PALLD: variants seen among roughly 807,000 people sequenced by gnomAD.
PALLD encodes the protein palladin, cytoskeletal associated protein, also known as palladin.
In PALLD, 61 loss-of-function variants were observed where a neutral mutation model predicts 123.5. That is an observed-to-expected ratio of 0.49 (90% CI 0.40 to 0.61). The LOEUF is 0.61. PALLD is among the 20% of genes least tolerant of loss of function. The pLI is 0.00. For missense variants in PALLD, 1,273 were observed against 1,377.0 expected (o/e 0.92, Z 1.20); for synonymous variants, 465 against 496.4 (o/e 0.94, Z 0.84).
At chr4:168,640,700 A>C (rs945765747) in intron 2 of PALLD, among the ~76,000 whole-genome samples, 6 of 152,236 alleles carry the variant, frequency 3.9e-5, no homozygotes, top group African/African-American at 1.4e-4. Context: ...TAAATCACTT[A>C]TCTCCATTAG....
At chr4:168,596,361 C>G (rs556539906) in intron 2 of PALLD, among the ~76,000 whole-genome samples, 14 of 152,192 alleles carry the variant, frequency 9.2e-5, no homozygotes, top group African/African-American at 3.1e-4. Flanking sequence ...CTTAATGAAG[C>G]AGCATTTAAA....
chr4:168,910,758 C>A (rs186567070), intron 15 of PALLD, among the ~76,000 whole-genome samples: 1 of 152,126 alleles, frequency 6.6e-6, no homozygotes, highest in Non-Finnish European at 1.5e-5. Flanking sequence ...GACAGCAGAA[C>A]TGGTTTACAA....
intron 15 of PALLD, among the ~76,000 whole-genome samples, chr4:168,910,986 A>T (rs1214255577): frequency 1.3e-5 from 2 of 152,206 alleles, no homozygotes; most frequent in Non-Finnish European, 1.5e-5. Flanking sequence ...ATGCATGTCC[A>T]TGCATAATGT....
rs992477185 is a variant in PALLD, at chr4:168,808,280, A to G, written c.1965-82642A>G. Among the ~76,000 whole-genome samples, 15 of 151,816 alleles carry G rather than the reference A, an allele frequency of 9.9e-5. No individual in the cohort carries two copies. In the East Asian group the frequency reaches 2.9e-3, roughly 30 times the overall value. On this transcript the variant is annotated intron_variant, in intron 10 of 21. Coordinates refer to ENST00000505667, the MANE Select transcript of PALLD (RefSeq NM_001166108.2). ...CGGATCACAAGGTCAGGAGATCGAG[A>G]CCATCCTGGCTAACATGGTGAAACC...
chr4:168,816,638 G>A (rs1050648527), intron 10 of PALLD, among the ~76,000 whole-genome samples: 4 of 152,014 alleles, frequency 2.6e-5, no homozygotes, highest in African/African-American at 9.7e-5. Flanking sequence ...GCAATTGTGT[G>A]AAATACATGC....
chr4:168,634,110 C>A (rs1776104673), intron 2 of PALLD, among the ~76,000 whole-genome samples: 1 of 152,186 alleles, frequency 6.6e-6, no homozygotes, highest in Non-Finnish European at 1.5e-5. Context: ...ATTGATTTCT[C>A]ACACCTTGGG....
chr4:168,511,410 T>C lies in PALLD; in HGVS notation c.-82-13T>C, dbSNP rs1280877380. ...AATCATTGCTACTAATGACATTCTA[T>C]GCTGTCTTTCAGAACACAGTTTCAG... On this transcript the variant is annotated splice_polypyrimidine_tract_variant and intron_variant, in intron 1 of 21. Transcript: ENST00000505667. 2 of 903,834 alleles carry C rather than the reference T, an allele frequency of 2.2e-6. No individual in the cohort carries two copies. Among genetic ancestry groups the C allele is most frequent in the Non-Finnish European group, 1.8e-6 (1 of 549,096 alleles). 56.0% of individuals were successfully genotyped at this position (903,834 alleles called of 1,614,324 possible).
chr4:168,603,550 A>G (rs1428784353), intron 2 of PALLD, among the ~76,000 whole-genome samples: 1 of 152,192 alleles, frequency 6.6e-6, no homozygotes, highest in Non-Finnish European at 1.5e-5. Context: ...AGCTTGTTCT[A>G]TGTTAGGCAC....
intron 2 of PALLD, among the ~76,000 whole-genome samples, chr4:168,658,811 A>G (rs144320362): frequency 9.8e-5 from 15 of 152,316 alleles, no homozygotes; most frequent in Non-Finnish European, 1.8e-4. Flanking sequence ...TTTTGGTTCA[A>G]ATTCTATTTT....
At chr4:168,580,321 A>G (rs1201103571) in intron 2 of PALLD, among the ~76,000 whole-genome samples, 2 of 151,974 alleles carry the variant, frequency 1.3e-5, no homozygotes, top group Non-Finnish European at 2.9e-5. Flanking sequence ...AAGGACATGA[A>G]CAGACAACTT....
chr4:168,814,595 G>C (rs1164071670), intron 10 of PALLD, among the ~76,000 whole-genome samples: 1 of 152,202 alleles, frequency 6.6e-6, no homozygotes, highest in Non-Finnish European at 1.5e-5. Flanking sequence ...AAAACGGCAG[G>C]AGAGTGCAGG....
rs140713942 is a variant in PALLD, at chr4:168,753,754, G to A, written c.1964+41831G>A. ...GACGACCAGCACCAACTTGCCAGCC[G>A]TGTGACCGAACCACCTTGGCAATGG... On this transcript the variant is annotated intron_variant, in intron 10 of 21. Coordinates refer to ENST00000505667, the MANE Select transcript of PALLD (RefSeq NM_001166108.2). Among the ~76,000 whole-genome samples, 632 of 152,246 alleles carry A rather than the reference G, an allele frequency of 4.2e-3. 1 individual carries two copies. Among genetic ancestry groups the A allele is most frequent in the African/African-American group, 0.014 (582 of 41,536 alleles).
At chr4:168,734,028 G>A (rs999619730) in intron 10 of PALLD, among the ~76,000 whole-genome samples, 18 of 152,250 alleles carry the variant, frequency 1.2e-4, no homozygotes, top group East Asian at 3.9e-4. Flanking sequence ...GAGCCACCAC[G>A]CCCGGCCACA....
At chr4:168,516,148 G>T (rs1762972129) in intron 2 of PALLD, among the ~76,000 whole-genome samples, 1 of 152,168 alleles carries the variant, frequency 6.6e-6, no homozygotes, top group African/African-American at 2.4e-5. Flanking sequence ...GCTGATAGAA[G>T]AAAACCCTAT....
At chr4:168,697,103 A>G (rs1382449091) in intron 8 of PALLD, among the ~76,000 whole-genome samples, 1 of 152,230 alleles carries the variant, frequency 6.6e-6, no homozygotes, top group East Asian at 1.9e-4. Flanking sequence ...AGATGCAAAT[A>G]GCTTAGGCCT....
chr4:168,547,189 G>A (rs1014628771), intron 2 of PALLD, among the ~76,000 whole-genome samples: 2 of 152,050 alleles, frequency 1.3e-5, no homozygotes. Flanking sequence ...CTGGACCGTC[G>A]CCCCACACGC....
chr4:168,664,066 T>C (rs1779386600), intron 2 of PALLD, among the ~76,000 whole-genome samples: 1 of 152,214 alleles, frequency 6.6e-6, no homozygotes, highest in South Asian at 2.1e-4. Flanking sequence ...CATTTCCTTA[T>C]TTAAGGCCCT....
At chr4:168,689,718 A>G (rs547178661) in intron 6 of PALLD, among the ~76,000 whole-genome samples, 3 of 152,070 alleles carry the variant, frequency 2.0e-5, no homozygotes, top group African/African-American at 7.2e-5. Context: ...AAAGAGCTGG[A>G]ATTACAGATG....
chr4:168,592,973 TG>T (rs1166017627), intron 2 of PALLD, among the ~76,000 whole-genome samples: 1 of 152,038 alleles, frequency 6.6e-6, no homozygotes, highest in Non-Finnish European at 1.5e-5. Flanking sequence ...GCTTTGCTCC[TG>T]AGATTTATAG....
Sources: allele counts gnomAD v4.1 joint callset (sites outside exome capture counted in the v4.1 genomes callset), GRCh38; gene constraint gnomAD v4.1.1; transcripts MANE v1.5; gene names NCBI Gene and HGNC (gene_info 2026-07-23, HGNC 2026-07-21).